CFAP92: variants seen among roughly 807,000 people sequenced by gnomAD.
CFAP92 encodes the protein cilia and flagella associated protein 92 (putative).
Under a neutral mutation model 106.3 loss-of-function variants are expected in CFAP92, and 86 were observed. The ratio of observed to expected loss-of-function variants is 0.81; its 90% CI spans 0.68 to 0.97. The LOEUF (loss-of-function observed/expected upper bound fraction) is 0.97, where lower values mean the gene tolerates loss of function less well. CFAP92 is among the 50% of genes least tolerant of loss of function. The pLI, the probability that CFAP92 is intolerant of heterozygous loss-of-function variation, is 0.00. For missense variants in CFAP92, 1,204 were observed against 1,283.8 expected (o/e 0.94, Z 0.95); for synonymous variants, 477 against 506.4 (o/e 0.94, Z 0.78).
At chr3:129,018,035 C>T in the CFAP92 span, among the ~76,000 whole-genome samples, 1 of 152,200 alleles carries the variant, frequency 6.6e-6, no homozygotes, top group African/African-American at 2.4e-5. Flanking sequence ...ATATAGTATG[C>T]AGTCCTGGCC....
At chr3:128,964,901 G>A (rs1179504329) in intron 9 of CFAP92, among the ~76,000 whole-genome samples, 9 of 151,968 alleles carry the variant, frequency 5.9e-5, no homozygotes, top group East Asian at 3.9e-4. Flanking sequence ...AATTTTTGCC[G>A]CTCCAACACT....
intron 4 of CFAP92, among the ~76,000 whole-genome samples, chr3:128,979,688 T>C (rs1207561206): frequency 6.6e-6 from 1 of 150,602 alleles, no homozygotes; most frequent in Admixed American, 6.6e-5. Flanking sequence ...CAGCAAACTA[T>C]CGGAAGGACA....
intron 10 of CFAP92, among the ~76,000 whole-genome samples, chr3:128,936,477 T>C (rs2107712566): frequency 6.6e-6 from 1 of 151,990 alleles, no homozygotes; most frequent in East Asian, 1.9e-4. Flanking sequence ...ATTGGGTCAT[T>C]CTCATCACAC....
intron 5 of CFAP92, among the ~76,000 whole-genome samples, chr3:128,977,311 G>C (rs1415667484): frequency 6.6e-6 from 1 of 152,104 alleles, no homozygotes; most frequent in East Asian, 1.9e-4. Context: ...AGAAAAAGAA[G>C]AAAGTCTATT....
upstream of CFAP92, among the ~76,000 whole-genome samples, chr3:128,995,034 G>A (rs1944429469): frequency 6.6e-6 from 1 of 152,222 alleles, no homozygotes; most frequent in Admixed American, 6.5e-5. Context: ...TATGGGCAAT[G>A]GGGAGCCAAG....
chr3:128,922,173 A>G (rs554588321), intron 12 of CFAP92, among the ~76,000 whole-genome samples: 2 of 150,914 alleles, frequency 1.3e-5, no homozygotes, highest in Admixed American at 6.6e-5. Context: ...CCCCGTCTCT[A>G]CTAAAAATAC....
At chr3:129,001,701 C>T (rs1944764482) in intron 1 of CFAP92, 1 of 1,499,332 alleles carries the variant, frequency 6.7e-7, no homozygotes, top group South Asian at 1.3e-5. Context: ...GCGACCTGCG[C>T]GGCGCACGCA....
chr3:128,992,748 A>C (rs1478914779), intron 2 of CFAP92, among the ~76,000 whole-genome samples: 1 of 152,124 alleles, frequency 6.6e-6, no homozygotes, highest in African/African-American at 2.4e-5. Flanking sequence ...AGCGCTTATG[A>C]GAATCAATGC....
chr3:128,943,928 T>TTC (rs1197298322), intron 10 of CFAP92, among the ~76,000 whole-genome samples: 1 of 148,428 alleles, frequency 6.7e-6, no homozygotes, highest in African/African-American at 2.5e-5. Context: ...CCGTTTTTTT[T>TTC]TTTTTTTTTT....
At chr3:129,017,021 T>C in the CFAP92 span, among the ~76,000 whole-genome samples, 3 of 152,216 alleles carry the variant, frequency 2.0e-5, no homozygotes, top group Non-Finnish European at 2.9e-5. Context: ...CACTCTGTTT[T>C]CCTCAGCTTG....
chr3:128,963,177 G>A (rs1255803586), intron 9 of CFAP92, among the ~76,000 whole-genome samples: 1 of 152,178 alleles, frequency 6.6e-6, no homozygotes, highest in Non-Finnish European at 1.5e-5. Flanking sequence ...TGCTGATCGT[G>A]TCTGATTAAT....
the CFAP92 span, among the ~76,000 whole-genome samples, chr3:129,024,016 C>G: frequency 3.3e-5 from 5 of 152,176 alleles, no homozygotes; most frequent in South Asian, 2.1e-4. Flanking sequence ...CTGGCCTGGC[C>G]TTTCCTTGCA....
At chr3:128,998,792 G>A (rs1425653736), upstream of CFAP92, among the ~76,000 whole-genome samples, 2 of 152,160 alleles carry the variant, frequency 1.3e-5, no homozygotes, top group Non-Finnish European at 2.9e-5. Flanking sequence ...CCTGTGCAAA[G>A]AAAGATCCCA....
intron 13 of CFAP92, 91 bp downstream of exon 13, chr3:128,916,016 T>C: frequency 1.1e-6 from 1 of 932,710 alleles, no homozygotes; most frequent in African/African-American, 1.7e-5. Context: ...TCTGTATAGT[T>C]GAGATCCCCC....
At chr3:128,916,382 T>A in intron 12 of CFAP92, 111 bp from the exon 13 acceptor site, 15 of 685,738 alleles carry the variant, frequency 2.2e-5, no homozygotes, top group South Asian at 7.9e-5. Flanking sequence ...AGGTATTGAT[T>A]GATTCTTCAA....
chr3:128,910,756 A>T, intron 15 of CFAP92: 1 of 1,613,994 alleles, frequency 6.2e-7, no homozygotes. Context: ...CTTGGCCAAC[A>T]CCTTCTGCGT....
chr3:128,951,985 G>A (rs1316959995), intron 9 of CFAP92, among the ~76,000 whole-genome samples: 1 of 152,164 alleles, frequency 6.6e-6, no homozygotes, highest in Non-Finnish European at 1.5e-5. Context: ...ACAGGGTACA[G>A]TGGCCAAGTG....
chr3:129,004,191 G>C, upstream of CFAP92: 3 of 1,236,594 alleles, frequency 2.4e-6, no homozygotes, highest in African/African-American at 1.6e-5. Flanking sequence ...GTTTCTCCAT[G>C]CGTTTATTCA....
At chr3:128,932,352 T>G (rs1683816) in intron 12 of CFAP92, among the ~76,000 whole-genome samples, 57,690 of 149,868 alleles carry the variant, frequency 0.38, 12,331 homozygotes, top group African/African-American at 0.58. Flanking sequence ...ATGACACTTA[T>G]GCCCTGAGCA....
Sources: allele counts gnomAD v4.1 joint callset (sites outside exome capture counted in the v4.1 genomes callset), GRCh38; gene constraint gnomAD v4.1.1; transcripts MANE v1.5; gene names NCBI Gene and HGNC (gene_info 2026-07-23, HGNC 2026-07-21).